Variants in ERP44 observed in about 807,000 individuals in gnomAD.
ERP44 encodes the protein endoplasmic reticulum protein 44.
In ERP44, 25 loss-of-function variants were observed where a neutral mutation model predicts 53.4. That is an observed-to-expected ratio of 0.47 (90% CI 0.34 to 0.65). The LOEUF is 0.65. Ranked by LOEUF, ERP44 falls within the 30% of genes least tolerant of loss-of-function variation. The probability of loss-of-function intolerance (pLI) is 0.01; values close to 1 mark genes in which losing one functional copy is unlikely to be tolerated. For missense variants in ERP44, 338 were observed against 493.2 expected, an observed-to-expected ratio of 0.69 and a Z score of 2.98; for synonymous variants, 145 against 161.2, an observed-to-expected ratio of 0.90 and a Z score of 0.76.
At chr9:100,028,936 T>A (rs1010399917) in intron 4 of ERP44, among the ~76,000 whole-genome samples, 3 of 152,208 alleles carry the variant, frequency 2.0e-5, no homozygotes, top group African/African-American at 7.2e-5. Flanking sequence ...AATGACAGAA[T>A]TTTTAAAATC....
chr9:99,998,559 C>G (rs1830340993), intron 10 of ERP44: 1 of 728,352 alleles, frequency 1.4e-6, no homozygotes, highest in Non-Finnish European at 2.5e-6. Flanking sequence ...GAAAGCCAGT[C>G]AGGCTCGTGG....
intron 4 of ERP44, among the ~76,000 whole-genome samples, chr9:100,041,302 A>AT (rs1325749516): frequency 2.6e-5 from 2 of 76,500 alleles, no homozygotes; most frequent in Non-Finnish European, 4.4e-5. Context: ...GTTTTTTGCC[A>AT]TAAAAAAAAA....
chr9:100,043,434 T>C (rs536099421), intron 4 of ERP44, among the ~76,000 whole-genome samples: 102 of 151,882 alleles, frequency 6.7e-4, no homozygotes, highest in Middle Eastern at 3.4e-3. Flanking sequence ...AAGTCATGGA[T>C]ACCCTGATGT....
At chr9:100,020,586 C>A in intron 6 of ERP44, 30 bp downstream of exon 6, 1 of 1,148,850 alleles carries the variant, frequency 8.7e-7, no homozygotes, top group Non-Finnish European at 1.3e-6. Flanking sequence ...CCAACCAACC[C>A]ACTAACACAC....
At chr9:100,056,450 A>G (rs149329400) in intron 3 of ERP44, among the ~76,000 whole-genome samples, 1 of 152,352 alleles carries the variant, frequency 6.6e-6, no homozygotes, top group East Asian at 1.9e-4. Context: ...CTTGGGGATT[A>G]AAGTTGAAAA....
At chr9:99,985,120 AT>A in intron 10 of ERP44, 51 bp from the exon 11 acceptor site, 1 of 1,266,580 alleles carries the variant, frequency 7.9e-7, no homozygotes, top group Non-Finnish European at 1.1e-6. Context: ...ACTTATCTCT[AT>A]TTTACCAACT....
At chr9:100,025,929 C>G (rs187993364) in intron 4 of ERP44, among the ~76,000 whole-genome samples, 10 of 152,174 alleles carry the variant, frequency 6.6e-5, no homozygotes, top group Admixed American at 4.6e-4. Context: ...ATGTGTTGGT[C>G]CTACTGCAAC....
At chr9:100,045,517 TAACTA>T (rs1254639036) in intron 4 of ERP44, among the ~76,000 whole-genome samples, 1 of 152,140 alleles carries the variant, frequency 6.6e-6, no homozygotes, top group African/African-American at 2.4e-5. Flanking sequence ...GTGGTAAAGA[TAACTA>T]AAATATCCGA....
intron 8 of ERP44, among the ~76,000 whole-genome samples, chr9:100,014,705 T>C (rs1830511798): frequency 6.6e-6 from 1 of 152,248 alleles, no homozygotes; most frequent in Non-Finnish European, 1.5e-5. Context: ...GTTTACATAT[T>C]GTCTAAGGTT....
intron 4 of ERP44, among the ~76,000 whole-genome samples, chr9:100,043,164 C>T (rs1163564127): frequency 1.1e-4 from 15 of 139,824 alleles, no homozygotes; most frequent in Non-Finnish European, 2.0e-4. Flanking sequence ...GAGGCTGAGG[C>T]AGGAGAATGG....
At chr9:100,068,849 G>T (rs185457274) in intron 1 of ERP44, among the ~76,000 whole-genome samples, 1 of 152,216 alleles carries the variant, frequency 6.6e-6, no homozygotes, top group Admixed American at 6.5e-5. Flanking sequence ...GGAATGGAAA[G>T]GGGGGAAAGG....
intron 1 of ERP44, among the ~76,000 whole-genome samples, chr9:100,068,432 G>A (rs1826255765): frequency 7.7e-6 from 1 of 129,458 alleles, no homozygotes; most frequent in Non-Finnish European, 1.7e-5. Flanking sequence ...GCCCCGTCCG[G>A]GAGGTGAGAG....
intron 3 of ERP44, 26 bp downstream of exon 3, chr9:100,057,794 C>G: frequency 6.3e-7 from 1 of 1,584,330 alleles, no homozygotes. Context: ...AAAACAAAAC[C>G]AAACCCAAAC....
intron 1 of ERP44, among the ~76,000 whole-genome samples, chr9:100,068,935 G>A: frequency 6.6e-6 from 1 of 152,198 alleles, no homozygotes; most frequent in Admixed American, 6.5e-5. Flanking sequence ...TTTTCATTTT[G>A]TTCTGTACTA....
At chr9:100,045,565 TAAG>T (rs1825956637) in intron 4 of ERP44, among the ~76,000 whole-genome samples, 1 of 152,118 alleles carries the variant, frequency 6.6e-6, no homozygotes. Flanking sequence ...AAGCACTCAA[TAAG>T]TAGTAGGGTT....
At chr9:100,064,722 G>A (rs1826190885) in intron 1 of ERP44, among the ~76,000 whole-genome samples, 1 of 152,152 alleles carries the variant, frequency 6.6e-6, no homozygotes, top group Middle Eastern at 3.2e-3. Context: ...TTATAATGAA[G>A]CTGAAAAATT....
chr9:100,019,672 A>AG (rs1441096814), intron 6 of ERP44, among the ~76,000 whole-genome samples: 4 of 150,930 alleles, frequency 2.7e-5, no homozygotes, highest in African/African-American at 9.9e-5. Flanking sequence ...GAAAAAAAAA[A>AG]GGGAGATAAA....
chr9:99,996,635 G>A (rs1830312419), intron 10 of ERP44, among the ~76,000 whole-genome samples: 1 of 151,962 alleles, frequency 6.6e-6, no homozygotes, highest in Non-Finnish European at 1.5e-5. Context: ...CATCACCAGA[G>A]CAGTATACAC....
At chr9:99,990,672 C>T (rs1830243522) in intron 10 of ERP44, among the ~76,000 whole-genome samples, 1 of 152,128 alleles carries the variant, frequency 6.6e-6, no homozygotes, top group African/African-American at 2.4e-5. Flanking sequence ...CAATATTAAC[C>T]TTAAACGTAA....
Sources: gnomAD v4.1 joint callset for allele counts (sites outside exome capture counted in the v4.1 genomes callset) on GRCh38, gnomAD v4.1.1 for gene constraint, MANE v1.5 for transcripts, NCBI Gene and HGNC (gene_info 2026-07-23, HGNC 2026-07-21) for gene names.